HEATR4: variants seen among roughly 807,000 people sequenced by gnomAD.
HEATR4 encodes the protein HEAT repeat containing 4.
Under a neutral mutation model 108.8 loss-of-function variants are expected in HEATR4, and 95 were observed. That is an observed-to-expected ratio of 0.87 (90% CI 0.74 to 1.04). The LOEUF (loss-of-function observed/expected upper bound fraction) is 1.04. Among genes scored for constraint, HEATR4 ranks in the 50% least tolerant of loss-of-function variants. HEATR4 has a pLI of 0.00. For synonymous variants in HEATR4, 443 were observed against 459.4 expected, an observed-to-expected ratio of 0.96 and a Z score of 0.46; for missense variants, 1,152 against 1,253.8, an observed-to-expected ratio of 0.92 and a Z score of 1.23.
the HEATR4 span, among the ~76,000 whole-genome samples, chr14:73,583,851 T>C: frequency 6.6e-6 from 1 of 151,754 alleles, no homozygotes; most frequent in Admixed American, 6.6e-5. Context: ...AATACAAAAA[T>C]TAGCCGGGTG....
the HEATR4 span, among the ~76,000 whole-genome samples, chr14:73,627,211 C>T: frequency 6.6e-6 from 1 of 151,876 alleles, no homozygotes; most frequent in African/African-American, 2.4e-5. Context: ...TGGTGCAATT[C>T]TCTCACTCAA....
At chr14:73,615,027 T>G in the HEATR4 span, among the ~76,000 whole-genome samples, 1 of 146,066 alleles carries the variant, frequency 6.8e-6, no homozygotes, top group Non-Finnish European at 1.5e-5. Flanking sequence ...GGGCAGAGGT[T>G]GCAGTGAGCC....
chr14:73,486,983 C>T (rs965773280), intron 17 of HEATR4, among the ~76,000 whole-genome samples: 7 of 151,928 alleles, frequency 4.6e-5, no homozygotes. Context: ...ATGTCAAGTT[C>T]CTGGCCCAGC....
chr14:73,581,163 C>G, the HEATR4 span: 1 of 148,560 alleles, frequency 6.7e-6, no homozygotes, highest in Non-Finnish European at 1.5e-5. Context: ...GGTGAGGACA[C>G]TTGTCTTAGT....
chr14:73,568,989 A>C, the HEATR4 span: 2 of 518,050 alleles, frequency 3.9e-6, no homozygotes, highest in Non-Finnish European at 6.9e-6. Flanking sequence ...GAGCCTGGAG[A>C]CTGCTAGCTG....
intron 2 of HEATR4, chr14:73,527,493 A>G (rs1319810528): frequency 1.3e-5 from 2 of 151,994 alleles, no homozygotes; most frequent in African/African-American, 4.8e-5. Flanking sequence ...TGCTCTGCCT[A>G]TGGAGTAGCC....
At chr14:73,612,448 A>G in the HEATR4 span, 6 of 629,828 alleles carry the variant, frequency 9.5e-6, no homozygotes, top group East Asian at 3.5e-5. Context: ...CCTGTCCCCA[A>G]GTCCAACCAA....
At chr14:73,579,659 T>C in the HEATR4 span, among the ~76,000 whole-genome samples, 1 of 151,420 alleles carries the variant, frequency 6.6e-6, no homozygotes, top group African/African-American at 2.4e-5. Context: ...TCAGGCAATC[T>C]TCCCACCTTG....
chr14:73,509,809 CCCATATATAT>C (rs1257058458), intron 7 of HEATR4, among the ~76,000 whole-genome samples: 31 of 5,188 alleles, frequency 6.0e-3, no homozygotes, highest in Non-Finnish European at 6.8e-3. Context: ...GCCCCATGAG[CCCATATATAT>C]ATATATATAT....
At chr14:73,577,315 G>A in the HEATR4 span, among the ~76,000 whole-genome samples, 47,746 of 130,056 alleles carry the variant, frequency 0.37, 10,079 homozygotes, top group East Asian at 0.84. Flanking sequence ...GATACCCTGA[G>A]ATGAAGCTAC....
chr14:73,497,832 G>T (rs987380618), intron 14 of HEATR4, among the ~76,000 whole-genome samples: 15 of 151,748 alleles, frequency 9.9e-5, no homozygotes, highest in African/African-American at 3.6e-4. Flanking sequence ...CTCCATTTTG[G>T]TCAGGCTGGT....
At chr14:73,491,841 T>A (rs765306782) in intron 17 of HEATR4, 13 of 1,608,828 alleles carry the variant, frequency 8.1e-6, no homozygotes, top group Non-Finnish European at 1.0e-5. Context: ...CGCGAGACCC[T>A]GAACCCACCC....
At chr14:73,609,189 A>C in the HEATR4 span, among the ~76,000 whole-genome samples, 2 of 152,304 alleles carry the variant, frequency 1.3e-5, no homozygotes, top group African/African-American at 4.8e-5. Flanking sequence ...CATCAATGAG[A>C]ATTGGCTGGT....
chr14:73,561,002 T>TC (rs1889524182), upstream of HEATR4, among the ~76,000 whole-genome samples: 1 of 152,056 alleles, frequency 6.6e-6, no homozygotes, highest in African/African-American at 2.4e-5. Flanking sequence ...AACCCAAATG[T>TC]CCATCAGTGA....
At chr14:73,581,475 G>A in the HEATR4 span, 1 of 152,016 alleles carries the variant, frequency 6.6e-6, no homozygotes, top group South Asian at 2.1e-4. Context: ...ATGTGTGTGT[G>A]TGTGTATCTC....
chr14:73,617,970 C>A, the HEATR4 span, among the ~76,000 whole-genome samples: 2 of 107,444 alleles, frequency 1.9e-5, no homozygotes. Context: ...CATGGTGAAA[C>A]CCCATCTACT....
In HEATR4 at chr14:73,519,166, G is replaced by C. The variant is rs1445074877; in HGVS notation, c.1070-3C>G. The C allele has an allele frequency of 6.2e-7, 1 of 1,609,432 alleles. No homozygotes were observed. The highest frequency in any genetic ancestry group is 1.1e-5 in the South Asian group (1 of 90,356). ...CTGGTGGATGATCTGGACTTCATCT[G>C]TGAACAGACAAAGAAACAATGAGTC... is the stretch of plus-strand genomic sequence containing the variant. On this transcript the variant is annotated splice_polypyrimidine_tract_variant and splice_region_variant and intron_variant, in intron 4 of 17. Transcript: ENST00000553558.
chr14:73,574,929 C>G, the HEATR4 span: 11 of 1,607,966 alleles, frequency 6.8e-6, no homozygotes, highest in Non-Finnish European at 9.3e-6. Flanking sequence ...AGGAGTTGGG[C>G]TGCTTGGAAT....
At chr14:73,625,560 C>A in the HEATR4 span, among the ~76,000 whole-genome samples, 22 of 152,040 alleles carry the variant, frequency 1.4e-4, no homozygotes, top group African/African-American at 4.6e-4. Context: ...CGAGGTTTCA[C>A]CATTTGACCA....
Sources: gnomAD v4.1 joint callset for allele counts (sites outside exome capture counted in the v4.1 genomes callset) on GRCh38, gnomAD v4.1.1 for gene constraint, MANE v1.5 for transcripts, NCBI Gene and HGNC (gene_info 2026-07-23, HGNC 2026-07-21) for gene names.